Variants in CCDC39 observed in about 807,000 individuals in gnomAD.
The protein encoded by CCDC39 is coiled-coil domain-containing protein 39.
CCDC39 carries 113 observed loss-of-function variants against 121.0 expected under a neutral mutation model. The ratio of observed to expected loss-of-function variants is 0.93; its 90% CI spans 0.80 to 1.09. CCDC39 has a LOEUF of 1.09. Ranked by LOEUF, CCDC39 falls within the 50% of genes least tolerant of loss-of-function variation. The pLI is 0.00. For missense variants in CCDC39, 1,063 were observed against 1,074.7 expected (o/e 0.99, Z 0.15); for synonymous variants, 349 against 352.2 (o/e 0.99, Z 0.10).
At chr3:180,677,210 ATATAT>A (rs1712259018) in intron 1 of CCDC39, among the ~76,000 whole-genome samples, 1 of 115,714 alleles carries the variant, frequency 8.6e-6, no homozygotes. Flanking sequence ...ATATATATAT[ATATAT>A]AAAATCACAG....
At chr3:180,661,034 T>C (rs1283620563) in intron 3 of CCDC39, among the ~76,000 whole-genome samples, 1 of 152,006 alleles carries the variant, frequency 6.6e-6, no homozygotes, top group African/African-American at 2.4e-5. Flanking sequence ...AGCAACTGCA[T>C]TAATCATTCC....
At position 180,665,420 on chromosome 3, in the gene CCDC39, T is replaced by C. The variant is rs114573513; in HGVS notation, c.91-1434A>G. On this transcript the variant is annotated intron_variant, in intron 1 of 19. Coordinates refer to ENST00000476379, the MANE Select transcript of CCDC39 (RefSeq NM_181426.2). ...CAAAGTCAGGGATATCTCCTGAGGG[T>C]ACACAACACAATCCACGGAAGTGTG... 1.5e-3 allele frequency among the ~76,000 whole-genome samples: 223 copies of C among 152,300 alleles called. 1 individual carries two copies. Among genetic ancestry groups the C allele is most frequent in the African/African-American group, 5.3e-3 (219 of 41,570 alleles).
At chr3:180,642,871 T>C (rs989949114) in intron 12 of CCDC39, among the ~76,000 whole-genome samples, 2 of 151,892 alleles carry the variant, frequency 1.3e-5, no homozygotes, top group Non-Finnish European at 2.9e-5. Context: ...CTAAGAGATT[T>C]GATGTTTTAA....
intron 7 of CCDC39, among the ~76,000 whole-genome samples, chr3:180,653,880 T>A (rs1711521351): frequency 6.6e-6 from 1 of 152,202 alleles, no homozygotes; most frequent in Admixed American, 6.5e-5. Flanking sequence ...TGATTATTTT[T>A]AACACCTAAT....
intron 1 of CCDC39, among the ~76,000 whole-genome samples, chr3:180,678,636 G>GA (rs1712302251): frequency 6.6e-6 from 1 of 151,662 alleles, no homozygotes; most frequent in Non-Finnish European, 1.5e-5. Context: ...TTACAGGTGT[G>GA]AGCCACTGCG....
Position 180,616,954 on chromosome 3 carries a change from T to C in CCDC39, c.2278A>G (p.Thr760Ala), listed in dbSNP as rs79386936. The C allele has an allele frequency of 1.8e-3, 2,491 of 1,412,530 alleles. 53 individuals carry two copies. In the African/African-American group the frequency reaches 0.033, roughly 19 times the overall value. The allele number at this position is 1,412,530 out of a possible 1,614,324, so 87.5% of individuals were successfully genotyped here. A position where few individuals can be genotyped will look rare whatever the true frequency, so the allele number is the denominator to read the frequency against. ...GCCAAATGTTCTATAACATCTAATGTATTTTCCATGCTCTGTAGAAAAAAT... is the reference window on the plus strand; with the variant it reads ...GCCAAATGTTCTATAACATCTAATGCATTTTCCATGCTCTGTAGAAAAAAT... Reference protein sequence around the residue: ...LQEDIQSMENTLDVIEHLANN... With the variant: ...LQEDIQSMENALDVIEHLANN... The change falls in exon 17 of 20, where the codon ACA becomes GCA. Residue 760 changes from threonine to alanine, a missense_variant. By Grantham distance (58) the Thr-to-Ala change is moderately conservative. Coordinates refer to ENST00000476379, the MANE Select transcript of CCDC39 (RefSeq NM_181426.2).
rs1246440571 is a variant in CCDC39, at chr3:180,647,334, T to C, written c.1363-91A>G. The C allele has an allele frequency of 2.7e-6, 3 of 1,104,416 alleles. No individual in the cohort carries two copies. In the Admixed American group the frequency reaches 8.6e-5, roughly 32 times the overall value. 68.4% of individuals were successfully genotyped at this position (1,104,416 alleles called of 1,614,324 possible). On this transcript the variant is annotated intron_variant, in intron 10 of 19. Coordinates refer to ENST00000476379, the MANE Select transcript of CCDC39 (RefSeq NM_181426.2). Reference sequence around the variant, plus strand: ...CAAAGTGAATACTTTCTTATGACTTTGGACTAGGCATTATCATGTAATAAA... The same window carrying C: ...CAAAGTGAATACTTTCTTATGACTTCGGACTAGGCATTATCATGTAATAAA...
intron 16 of CCDC39, 72 bp downstream of exon 16, chr3:180,619,187 A>G: frequency 1.4e-6 from 1 of 736,978 alleles, no homozygotes; most frequent in Non-Finnish European, 2.4e-6. Context: ...GAAGAGCAAG[A>G]GAATAGAAGT....
intron 1 of CCDC39, among the ~76,000 whole-genome samples, chr3:180,666,413 T>C (rs1356170061): frequency 6.6e-6 from 1 of 152,192 alleles, no homozygotes; most frequent in African/African-American, 2.4e-5. Context: ...TATTGTATTA[T>C]ATCCCATATA....
chr3:180,653,969 G>T, intron 7 of CCDC39, among the ~76,000 whole-genome samples: 1 of 149,498 alleles, frequency 6.7e-6, no homozygotes. Context: ...TTTTTATTGG[G>T]TTTCTTTTCT....
chr3:180,661,107 C>A (rs1711731501), intron 3 of CCDC39, among the ~76,000 whole-genome samples: 1 of 151,958 alleles, frequency 6.6e-6, no homozygotes, highest in African/African-American at 2.4e-5. Context: ...TATGCTAACT[C>A]AAATCCAAGA....
intron 14 of CCDC39, among the ~76,000 whole-genome samples, chr3:180,628,000 CTG>C (rs941559507): frequency 3.9e-5 from 6 of 152,130 alleles, no homozygotes; most frequent in African/African-American, 1.4e-4. Context: ...AGAGGGAAAA[CTG>C]TGTGAAGAGA....
intron 14 of CCDC39, among the ~76,000 whole-genome samples, chr3:180,629,186 A>G (rs563803631): frequency 3.3e-5 from 5 of 152,376 alleles, no homozygotes; most frequent in African/African-American, 1.2e-4. Flanking sequence ...ACTTATTTCA[A>G]AGAAGAATAT....
intron 6 of CCDC39, among the ~76,000 whole-genome samples, chr3:180,658,981 C>T (rs753812466): frequency 4.6e-5 from 7 of 152,180 alleles, no homozygotes; most frequent in African/African-American, 1.4e-4. Flanking sequence ...CAGTATTCCC[C>T]GCTTCCAAGC....
intron 8 of CCDC39, 99 bp from the exon 9 acceptor site, chr3:180,651,632 AG>A (rs1198507602): frequency 2.5e-6 from 3 of 1,223,972 alleles, no homozygotes; most frequent in Non-Finnish European, 3.3e-6. Flanking sequence ...TATAACTTGA[AG>A]GGGTTTTTTG....
At chr3:180,644,407 C>T in intron 11 of CCDC39, 150 bp from the exon 12 acceptor site, 1 of 528,886 alleles carries the variant, frequency 1.9e-6, no homozygotes. Flanking sequence ...TCTGCTATGT[C>T]TGTAATATAA....
rs559363718 is a variant in CCDC39, at chr3:180,614,235, G to A, written c.*686C>T. 1 of 160,104 alleles carries A rather than the reference G, an allele frequency of 6.2e-6. No individual in the cohort carries two copies. The highest frequency in any genetic ancestry group is 1.8e-4 in the East Asian group (1 of 5,488). 9.9% of individuals were successfully genotyped at this position (160,104 alleles called of 1,614,324 possible). ...AAAATTTCAAAATTGTTTATACTTG[G>A]TTGGCTGTATCTGAAAGCAAATCTT... On this transcript the variant is annotated 3_prime_UTR_variant, in exon 20 of 20. Transcript: ENST00000476379.
intron 11 of CCDC39, among the ~76,000 whole-genome samples, chr3:180,644,987 G>A (rs949016706): frequency 6.6e-6 from 1 of 152,066 alleles, no homozygotes; most frequent in South Asian, 2.1e-4. Flanking sequence ...CAGATAGTAA[G>A]GATATCAACA....
rs765555238 is a variant in CCDC39 at position 180,619,842 on chromosome 3, A to G, written c.2127T>C (p.Tyr709=). The part of the protein sequence containing the change: ...LQVLNSCNNN[Y]KQSFKKVTPS... ...GAGTCACTTTTTTAAAAGATTGCTT[A>G]TAATTGTTGTTACAGCTGTTCAGCA... Residue 709 remains tyrosine (Y), a synonymous_variant, in exon 15 of 20, where the codon TAT becomes TAC. Transcript: ENST00000476379. The G allele has an allele frequency of 8.7e-6, 14 of 1,604,548 alleles. No individual in the cohort carries two copies. Among genetic ancestry groups the G allele is most frequent in the East Asian group, 2.2e-5 (1 of 44,712 alleles).
Sources: allele counts gnomAD v4.1 joint callset (sites outside exome capture counted in the v4.1 genomes callset), GRCh38; gene constraint gnomAD v4.1.1; transcripts MANE v1.5; gene names NCBI Gene and HGNC (gene_info 2026-07-23, HGNC 2026-07-21).